Variants in DGKB observed in about 807,000 individuals in gnomAD.
DGKB encodes diacylglycerol kinase beta.
In DGKB, 67 loss-of-function variants were observed where a neutral mutation model predicts 114.3. That is an observed-to-expected ratio of 0.59 (90% CI 0.48 to 0.72). The LOEUF (loss-of-function observed/expected upper bound fraction) is 0.72. Ranked by LOEUF, DGKB falls within the 30% of genes least tolerant of loss-of-function variation. The pLI, the probability that DGKB is intolerant of heterozygous loss-of-function variation, is 0.00. For synonymous variants in DGKB, 398 were observed against 323.1 expected, an observed-to-expected ratio of 1.23 and a Z score of -2.49; for missense variants, 907 against 975.2, an observed-to-expected ratio of 0.93 and a Z score of 0.93.
chr7:14,465,752 G>A (rs1482258093), intron 21 of DGKB, among the ~76,000 whole-genome samples: 1 of 152,062 alleles, frequency 6.6e-6, no homozygotes, highest in Admixed American at 6.6e-5. Flanking sequence ...ATAAATATCT[G>A]GGGGAAAGAA....
intron 2 of DGKB, among the ~76,000 whole-genome samples, chr7:14,762,214 T>C (rs1033889062): frequency 3.9e-5 from 6 of 152,092 alleles, no homozygotes; most frequent in Non-Finnish European, 7.4e-5. Flanking sequence ...GCAAACATTC[T>C]TGGAATGAGC....
At chr7:14,711,187 C>A (rs544322040) in intron 6 of DGKB, among the ~76,000 whole-genome samples, 1 of 152,142 alleles carries the variant, frequency 6.6e-6, no homozygotes, top group South Asian at 2.1e-4. Context: ...TTCCTAAACA[C>A]ATTAACAAGA....
At chr7:14,705,519 T>C (rs1179428466) in intron 6 of DGKB, among the ~76,000 whole-genome samples, 1 of 151,080 alleles carries the variant, frequency 6.6e-6, no homozygotes, top group Non-Finnish European at 1.5e-5. Context: ...ATTGTCAGAT[T>C]CACCAAAGTT....
intron 20 of DGKB, among the ~76,000 whole-genome samples, chr7:14,568,211 C>CTAAA (rs1483099882): frequency 8.5e-5 from 13 of 152,058 alleles, no homozygotes; most frequent in African/African-American, 3.1e-4. Context: ...ATAGAAGGTA[C>CTAAA]TAAATAAATA....
intron 2 of DGKB, among the ~76,000 whole-genome samples, chr7:14,840,699 AAC>A (rs57577998): frequency 0.026 from 3,389 of 130,206 alleles, 37 homozygotes; most frequent in African/African-American, 0.035. Flanking sequence ...ACTCTCTTTT[AAC>A]ACACACACAC....
intron 20 of DGKB, among the ~76,000 whole-genome samples, chr7:14,543,952 T>C (rs1195240431): frequency 2.0e-5 from 3 of 152,212 alleles, no homozygotes; most frequent in African/African-American, 7.2e-5. Context: ...AATAAATTTG[T>C]GATAACACAT....
intron 13 of DGKB, among the ~76,000 whole-genome samples, chr7:14,666,284 A>G (rs954170779): frequency 6.6e-6 from 1 of 151,972 alleles, no homozygotes; most frequent in South Asian, 2.1e-4. Flanking sequence ...CTCCCTTTCA[A>G]TGCAGGCTGA....
At chr7:14,647,798 G>C (rs900212482) in intron 13 of DGKB, among the ~76,000 whole-genome samples, 3 of 152,212 alleles carry the variant, frequency 2.0e-5, no homozygotes, top group Non-Finnish European at 2.9e-5. Flanking sequence ...CACCATGCGC[G>C]AGCCGAAGCA....
At chr7:14,169,742 A>G (rs1780566169) in intron 25 of DGKB, among the ~76,000 whole-genome samples, 1 of 152,184 alleles carries the variant, frequency 6.6e-6, no homozygotes, top group Admixed American at 6.5e-5. Context: ...TGCAGTGGGA[A>G]GCAAAATATG....
Position 14,461,957 on chromosome 7 carries a change from A to C in DGKB, c.1835+16204T>G, listed in dbSNP as rs190006005. Among the ~76,000 whole-genome samples the C allele has an allele frequency of 6.5e-4, 99 of 152,330 alleles. 1 individual carries two copies. In the East Asian group the frequency reaches 0.016, roughly 24 times the overall value. The stretch of plus-strand genomic sequence containing the variant: ...GATGCAAGGCTGGTTCAACATATGC[A>C]AATCAGTAACTGTAATCCATCACAT... On this transcript the variant is annotated intron_variant, in intron 21 of 25. Transcript: ENST00000402815.
chr7:14,350,754 C>G (rs987808364), intron 21 of DGKB, among the ~76,000 whole-genome samples: 1 of 151,244 alleles, frequency 6.6e-6, no homozygotes, highest in Non-Finnish European at 1.5e-5. Context: ...GCGATTTGAC[C>G]TATATTGTAT....
upstream of DGKB, among the ~76,000 whole-genome samples, chr7:14,906,906 T>C (rs1367411584): frequency 6.6e-6 from 1 of 152,228 alleles, no homozygotes; most frequent in African/African-American, 2.4e-5. Flanking sequence ...CTTTATCTTT[T>C]AAAGAATATA....
intron 20 of DGKB, among the ~76,000 whole-genome samples, chr7:14,511,459 G>A (rs1012050120): frequency 2.6e-5 from 4 of 152,176 alleles, no homozygotes; most frequent in Non-Finnish European, 5.9e-5. Flanking sequence ...TCATAGAACT[G>A]AAGAGAGTTA....
intron 11 of DGKB, 37 bp from the exon 12 acceptor site, chr7:14,682,706 A>G: frequency 6.2e-7 from 1 of 1,605,994 alleles, no homozygotes; most frequent in Non-Finnish European, 8.5e-7. Context: ...AAGAGGACAC[A>G]CTACATAATG....
intron 21 of DGKB, among the ~76,000 whole-genome samples, chr7:14,378,180 T>C: frequency 6.6e-6 from 1 of 152,124 alleles, no homozygotes; most frequent in East Asian, 1.9e-4. Context: ...GGAAGACAAA[T>C]GCATTTGATT....
At chr7:14,262,686 G>A (rs1439832395) in intron 23 of DGKB, among the ~76,000 whole-genome samples, 1 of 152,116 alleles carries the variant, frequency 6.6e-6, no homozygotes, top group Non-Finnish European at 1.5e-5. Flanking sequence ...CTTTCTCAGG[G>A]CTATTGCAAA....
At chr7:14,483,023 A>G (rs1420284368) in intron 20 of DGKB, among the ~76,000 whole-genome samples, 1 of 149,880 alleles carries the variant, frequency 6.7e-6, no homozygotes. Flanking sequence ...TTTTTTTTGG[A>G]GAAGTTAACG....
upstream of DGKB, among the ~76,000 whole-genome samples, chr7:14,904,235 C>CAT (rs1049235635): frequency 3.9e-5 from 6 of 151,986 alleles, no homozygotes; most frequent in Non-Finnish European, 8.8e-5. Flanking sequence ...CACACACACA[C>CAT]ACATCACTTA....
chr7:14,746,606 C>G (rs1346176589), intron 4 of DGKB, among the ~76,000 whole-genome samples: 1 of 152,122 alleles, frequency 6.6e-6, no homozygotes, highest in East Asian at 1.9e-4. Flanking sequence ...TCAAGCAATT[C>G]TACTGCCTCA....
Sources: allele counts gnomAD v4.1 joint callset (sites outside exome capture counted in the v4.1 genomes callset), GRCh38; gene constraint gnomAD v4.1.1; transcripts MANE v1.5; gene names NCBI Gene and HGNC (gene_info 2026-07-23, HGNC 2026-07-21).